The following PCDHA2 variants were observed in gnomAD, a reference collection of about 807,000 sequenced individuals.
PCDHA2 encodes the protein protocadherin alpha 2, also known as protocadherin alpha-2.
A neutral mutation model predicts 66.0 loss-of-function variants in PCDHA2; 58 were observed. The observed-to-expected ratio is 0.88, with a 90% CI of 0.71 to 1.09. The LOEUF is 1.09. Ranked by LOEUF, PCDHA2 falls within the 50% of genes least tolerant of loss-of-function variation. The pLI is 0.00. For missense variants in PCDHA2, 1,267 were observed against 1,242.3 expected (o/e 1.02, Z -0.30); for synonymous variants, 634 against 554.0 (o/e 1.14, Z -2.03).
chr5:140,809,562 C>A lies in PCDHA2; in HGVS notation c.2388+12210C>A, dbSNP rs781790264. On this transcript the variant is annotated intron_variant, in intron 1 of 3. Coordinates refer to ENST00000526136, the MANE Select transcript of PCDHA2 (RefSeq NM_018905.3). ...GATCAGCTGCAGACAACTGAGGAAT[C>A]CTTTGCAAAGGTTAGTGTATAACAT... 4 of 1,608,188 alleles carry A rather than the reference C, an allele frequency of 2.5e-6. No homozygotes were observed. In the South Asian group the frequency reaches 3.3e-5, roughly 13 times the overall value.
chr5:140,983,009 G>C (rs1272086703), intron 3 of PCDHA2, among the ~76,000 whole-genome samples: 2 of 151,884 alleles, frequency 1.3e-5, no homozygotes, highest in Non-Finnish European at 2.9e-5. Flanking sequence ...AAAGAAAAAG[G>C]AAGGAAGGAA....
intron 1 of PCDHA2, among the ~76,000 whole-genome samples, chr5:140,879,278 T>C (rs2057927174): frequency 6.6e-6 from 1 of 152,180 alleles, no homozygotes; most frequent in Non-Finnish European, 1.5e-5. Flanking sequence ...ACAGACTCAA[T>C]ACAAATGATA....
chr5:140,863,542 C>T, intron 1 of PCDHA2: 3 of 384,090 alleles, frequency 7.8e-6, no homozygotes, highest in South Asian at 6.2e-5. Context: ...TGGAGATGGA[C>T]TTCAATAGGA....
intron 1 of PCDHA2, chr5:140,863,119 A>G: frequency 1.7e-6 from 1 of 591,284 alleles, no homozygotes. Context: ...GGCGAAAGCT[A>G]CGCGCCACCG....
chr5:140,981,138 G>A (rs1554242668), intron 2 of PCDHA2, among the ~76,000 whole-genome samples: 11 of 152,206 alleles, frequency 7.2e-5, no homozygotes. Flanking sequence ...GTCAAAGAGT[G>A]AGAAAACATT....
At chr5:140,923,151 T>A (rs1239888412) in intron 1 of PCDHA2, among the ~76,000 whole-genome samples, 3 of 152,108 alleles carry the variant, frequency 2.0e-5, no homozygotes, top group Non-Finnish European at 4.4e-5. Context: ...ATAAAAAAAA[T>A]TATAGAAAGA....
At chr5:140,873,283 A>G (rs1554166657) in intron 1 of PCDHA2, among the ~76,000 whole-genome samples, 1 of 152,258 alleles carries the variant, frequency 6.6e-6, no homozygotes, top group Non-Finnish European at 1.5e-5. Flanking sequence ...CATACCACTT[A>G]TGAAACTTTA....
intron 1 of PCDHA2, chr5:140,814,096 A>G (rs1320387374): frequency 6.5e-6 from 1 of 153,604 alleles, no homozygotes; most frequent in Non-Finnish European, 1.4e-5. Context: ...CTTTTGTAAT[A>G]ACGCTTAGCT....
intron 1 of PCDHA2, chr5:140,808,907 G>A: frequency 2.5e-6 from 4 of 1,613,576 alleles, no homozygotes; most frequent in South Asian, 2.2e-5. Context: ...GGGTGGCACT[G>A]GTGGCGCAGT....
chr5:140,901,767 T>C (rs1341707404), intron 1 of PCDHA2, among the ~76,000 whole-genome samples: 5 of 152,252 alleles, frequency 3.3e-5, no homozygotes, highest in African/African-American at 1.2e-4. Flanking sequence ...AGGGATTGCA[T>C]TGAATTTGTA....
In PCDHA2 at chr5:140,795,417, G is replaced by C. The variant is rs781852321; in HGVS notation, c.453G>C (p.Arg151=). The change falls in exon 1 of 4, where the codon CGG becomes CGC. Residue 151 remains arginine, a synonymous_variant. Transcript: ENST00000526136. The part of the protein sequence containing the change: ...RFPESRLLDS[R]FPLEGASDAD... ...CCGAATCAAGGCTGCTTGATTCTCGGTTTCCTCTAGAGGGAGCATCTGATG... is the reference window on the plus strand; with the variant it reads ...CCGAATCAAGGCTGCTTGATTCTCGCTTTCCTCTAGAGGGAGCATCTGATG... 6.2e-7 allele frequency: 1 copy of C among 1,614,132 alleles called. No homozygotes were observed. Among genetic ancestry groups the C allele is most frequent in the Admixed American group, 1.7e-5 (1 of 60,030 alleles).
At chr5:140,882,201 C>T in intron 1 of PCDHA2, 1 of 1,528,460 alleles carries the variant, frequency 6.5e-7, no homozygotes, top group Non-Finnish European at 8.8e-7. Context: ...AAAATTGGGC[C>T]TTGAGAGACA....
At chr5:140,929,191 A>G in intron 1 of PCDHA2, 1 of 1,614,118 alleles carries the variant, frequency 6.2e-7, no homozygotes, top group Non-Finnish European at 8.5e-7. Flanking sequence ...TTCTGATAAT[A>G]ACAGTTTGCT....
At chr5:141,007,395 C>CAAAAAAAAAAA (rs35800918) in intron 3 of PCDHA2, among the ~76,000 whole-genome samples, 6 of 94,856 alleles carry the variant, frequency 6.3e-5, no homozygotes, top group South Asian at 3.5e-4. Flanking sequence ...TACTAAAATA[C>CAAAAAAAAAAA]AAAAAAAAAA....
At chr5:140,852,883 G>C in intron 1 of PCDHA2, 1 of 933,168 alleles carries the variant, frequency 1.1e-6, no homozygotes. Flanking sequence ...ATCATAAAAC[G>C]TATTTTTTTT....
At position 140,822,192 on chromosome 5, in the gene PCDHA2, A is replaced by C; in HGVS notation, c.2388+24840A>C. ...GGTTCTCCAGACAAGAACAAAGATT[A>C]TTCATTTTAGAGTCAAGAATGCCAG... On this transcript the variant is annotated intron_variant, in intron 1 of 3. Coordinates refer to ENST00000526136, the MANE Select transcript of PCDHA2 (RefSeq NM_018905.3). The C allele has an allele frequency of 6.2e-7, 1 of 1,614,266 alleles. No homozygotes were observed. The highest frequency in any genetic ancestry group is 2.2e-5 in the East Asian group (1 of 44,890).
At chr5:140,838,084 GT>G (rs1775513754) in intron 1 of PCDHA2, among the ~76,000 whole-genome samples, 1 of 31,456 alleles carries the variant, frequency 3.2e-5, no homozygotes, top group Non-Finnish European at 6.5e-5. Flanking sequence ...TATAGTGTGT[GT>G]GTGTGTGTGT....
chr5:140,871,278 G>T (rs782014542), intron 1 of PCDHA2: 3 of 1,613,918 alleles, frequency 1.9e-6, no homozygotes, highest in East Asian at 4.5e-5. Flanking sequence ...GGTCGGCAAC[G>T]CCCACTGAGG....
intron 1 of PCDHA2, among the ~76,000 whole-genome samples, chr5:140,881,872 A>C (rs907896928): frequency 6.6e-6 from 1 of 152,240 alleles, no homozygotes; most frequent in South Asian, 2.1e-4. Context: ...TTGTGGCAAA[A>C]TGAAACTCAT....
Sources: gnomAD v4.1 joint callset for allele counts (sites outside exome capture counted in the v4.1 genomes callset) on GRCh38, gnomAD v4.1.1 for gene constraint, MANE v1.5 for transcripts, NCBI Gene and HGNC (gene_info 2026-07-23, HGNC 2026-07-21) for gene names.